The following NCOA2 variants were observed in gnomAD, a reference collection of about 807,000 sequenced individuals.
The protein encoded by NCOA2 is nuclear receptor coactivator 2, also known as class E basic helix-loop-helix protein 75.
Under a neutral mutation model 145.1 loss-of-function variants are expected in NCOA2, and 21 were observed. The observed-to-expected ratio is 0.14, with a 90% CI of 0.10 to 0.21. NCOA2 has a LOEUF of 0.21. Among genes scored for constraint, NCOA2 ranks in the 10% least tolerant of loss-of-function variants. The probability of loss-of-function intolerance (pLI) is 1.00; values close to 1 mark genes in which losing one functional copy is unlikely to be tolerated. For synonymous variants in NCOA2, 619 were observed against 637.5 expected (o/e 0.97, Z 0.44); for missense variants, 1,472 against 1,837.6 (o/e 0.80, Z 3.64).
chr8:70,261,316 T>C (rs902280890), intron 2 of NCOA2, among the ~76,000 whole-genome samples: 21 of 152,006 alleles, frequency 1.4e-4, no homozygotes, highest in South Asian at 1.0e-3. Flanking sequence ...ATGGATGAAA[T>C]TGGAAATCAT....
chr8:70,212,089 ATATATATAT>A (rs1432241725), intron 4 of NCOA2, among the ~76,000 whole-genome samples: 1 of 84,714 alleles, frequency 1.2e-5, no homozygotes, highest in Non-Finnish European at 2.8e-5. Flanking sequence ...ATATATATAT[ATATATATAT>A]ATTTGTTTTG....
At position 70,120,768 on chromosome 8, in the gene NCOA2, T is replaced by C. The variant is rs569663767; in HGVS notation, c.4383+534A>G. 2.0e-5 allele frequency among the ~76,000 whole-genome samples: 3 copies of C among 151,802 alleles called. No homozygotes were observed. The South Asian group carries it at 6.2e-4, about 32-fold the overall frequency. On this transcript the variant is annotated intron_variant, in intron 22 of 22. Coordinates refer to ENST00000452400, the MANE Select transcript of NCOA2 (RefSeq NM_006540.4). ...CAAAAAAACAAAACAAAAAGAGAAG[T>C]GTTTAAGGTGTAATAGGCAAATAAC...
the NCOA2 span, among the ~76,000 whole-genome samples, chr8:70,414,985 A>G: frequency 2.0e-5 from 3 of 152,194 alleles, no homozygotes; most frequent in South Asian, 4.1e-4. Context: ...ATTCAGTGAA[A>G]ATTTGTTCAG....
chr8:70,429,269 T>C, the NCOA2 span, among the ~76,000 whole-genome samples: 9 of 152,206 alleles, frequency 5.9e-5, no homozygotes, highest in African/African-American at 9.6e-5. Context: ...ACCTTCAAGA[T>C]TGCTCCTGCT....
At chr8:70,449,558 G>A in the NCOA2 span, among the ~76,000 whole-genome samples, 1 of 152,188 alleles carries the variant, frequency 6.6e-6, no homozygotes, top group Non-Finnish European at 1.5e-5. Flanking sequence ...GCAGGATCAG[G>A]GAACCTTACA....
intron 19 of NCOA2, among the ~76,000 whole-genome samples, chr8:70,125,700 G>A (rs569910352): frequency 9.3e-4 from 142 of 152,260 alleles, no homozygotes; most frequent in Non-Finnish European, 1.7e-3. Flanking sequence ...TGTATTCATG[G>A]TTAGCTTGTT....
At chr8:70,178,820 C>T (rs1474871251) in intron 4 of NCOA2, among the ~76,000 whole-genome samples, 1 of 152,216 alleles carries the variant, frequency 6.6e-6, no homozygotes, top group Non-Finnish European at 1.5e-5. Context: ...GGATGTGTGG[C>T]TGGCATCGGG....
chr8:70,202,843 T>C (rs1818033559), intron 4 of NCOA2, among the ~76,000 whole-genome samples: 1 of 152,202 alleles, frequency 6.6e-6, no homozygotes, highest in Non-Finnish European at 1.5e-5. Context: ...GCTTATTTAC[T>C]ACCCCACCCA....
At chr8:70,223,731 T>C (rs1363190697) in intron 2 of NCOA2, among the ~76,000 whole-genome samples, 3 of 152,144 alleles carry the variant, frequency 2.0e-5, no homozygotes, top group Non-Finnish European at 2.9e-5. Flanking sequence ...GATGAGGAAA[T>C]TGAGGTACAC....
intron 11 of NCOA2, 76 bp from the exon 12 acceptor site, chr8:70,148,559 C>A: frequency 3.6e-6 from 5 of 1,375,506 alleles, no homozygotes; most frequent in Non-Finnish European, 5.1e-6. Context: ...CAATCACTGA[C>A]CTAACTGCCA....
chr8:70,435,293 T>C, the NCOA2 span, among the ~76,000 whole-genome samples: 12 of 148,670 alleles, frequency 8.1e-5, no homozygotes, highest in East Asian at 3.9e-4. Flanking sequence ...GGCGTGGTGG[T>C]GGGCGCCTGT....
intron 11 of NCOA2, among the ~76,000 whole-genome samples, chr8:70,154,789 G>C (rs995608174): frequency 6.6e-6 from 1 of 152,148 alleles, no homozygotes; most frequent in Non-Finnish European, 1.5e-5. Flanking sequence ...GAATGATTTG[G>C]GGTGGAAGGT....
At chr8:70,416,362 C>T in the NCOA2 span, among the ~76,000 whole-genome samples, 2 of 151,936 alleles carry the variant, frequency 1.3e-5, no homozygotes, top group Admixed American at 6.5e-5. Context: ...TTAAATAAAT[C>T]ACCACAGACT....
chr8:70,397,426 C>T lies in NCOA2; in HGVS notation c.-77+6274G>A, dbSNP rs1400991757. 5.3e-5 allele frequency among the ~76,000 whole-genome samples: 8 copies of T among 149,920 alleles called. No individual in the cohort carries two copies. In the East Asian group the frequency reaches 1.6e-3, roughly 29 times the overall value. On this transcript the variant is annotated intron_variant, in intron 1 of 22. Coordinates refer to ENST00000452400, the MANE Select transcript of NCOA2 (RefSeq NM_006540.4). ...TGAGATCACACCACTGCACTCCAAC[C>T]TGGGTAACAGAGTGAGACCCTGTCT...
intron 3 of NCOA2, among the ~76,000 whole-genome samples, chr8:70,214,358 T>C (rs1819365750): frequency 6.6e-6 from 1 of 152,252 alleles, no homozygotes; most frequent in African/African-American, 2.4e-5. Context: ...ACCACTGTGC[T>C]TAGTGCAGTA....
chr8:70,326,429 T>A lies in NCOA2; in HGVS notation c.-76-29629A>T, dbSNP rs922683692. ...ACTACCCTTTCTGCATTTCTCTCTC[T>A]CACACACACACACACACACACGTGC... is the stretch of plus-strand genomic sequence containing the variant. On this transcript the variant is annotated intron_variant, in intron 1 of 22. Transcript: ENST00000452400. 5.6e-4 allele frequency among the ~76,000 whole-genome samples: 84 copies of A among 149,242 alleles called. 2 individuals carry two copies. Among genetic ancestry groups the A allele is most frequent in the East Asian group, 2.4e-3 (12 of 5,066 alleles).
intron 4 of NCOA2, among the ~76,000 whole-genome samples, chr8:70,199,702 G>C (rs1227782476): frequency 6.6e-6 from 1 of 152,112 alleles, no homozygotes; most frequent in Non-Finnish European, 1.5e-5. Context: ...ATGGTGACAA[G>C]AAAACCATCA....
At chr8:70,208,424 A>T (rs562846891) in intron 4 of NCOA2, among the ~76,000 whole-genome samples, 4 of 152,390 alleles carry the variant, frequency 2.6e-5, no homozygotes, top group South Asian at 4.1e-4. Flanking sequence ...GTAGCAAGTT[A>T]TCCAGAAGGT....
the NCOA2 span, among the ~76,000 whole-genome samples, chr8:70,408,963 G>T: frequency 6.6e-6 from 1 of 152,058 alleles, no homozygotes; most frequent in Non-Finnish European, 1.5e-5. Context: ...ATGGGACCAG[G>T]TATAGTGGCT....
Sources: allele counts gnomAD v4.1 joint callset (sites outside exome capture counted in the v4.1 genomes callset), GRCh38; gene constraint gnomAD v4.1.1; transcripts MANE v1.5; gene names NCBI Gene and HGNC (gene_info 2026-07-23, HGNC 2026-07-21).